CACNB2: variants seen among roughly 807,000 people sequenced by gnomAD.
CACNB2 encodes the protein calcium voltage-gated channel auxiliary subunit beta 2.
A neutral mutation model predicts 73.3 loss-of-function variants in CACNB2; 42 were observed. That is an observed-to-expected ratio of 0.57 (90% CI 0.45 to 0.74). The LOEUF is 0.74. CACNB2 is among the 30% of genes least tolerant of loss of function. The probability of loss-of-function intolerance (pLI) is 0.00; values close to 1 mark genes in which losing one functional copy is unlikely to be tolerated. For synonymous variants in CACNB2, 348 were observed against 310.3 expected (o/e 1.12, Z -1.28); for missense variants, 940 against 853.0 (o/e 1.10, Z -1.27).
chr10:18,320,153 G>A (rs979300912), intron 2 of CACNB2, among the ~76,000 whole-genome samples: 5 of 151,998 alleles, frequency 3.3e-5, no homozygotes, highest in South Asian at 4.2e-4. Context: ...TCACCAGTTC[G>A]AATTAATTTC....
chr10:18,382,613 C>G (rs1347337941), intron 2 of CACNB2, among the ~76,000 whole-genome samples: 1 of 152,108 alleles, frequency 6.6e-6, no homozygotes, highest in African/African-American at 2.4e-5. Flanking sequence ...TTGTTCGGCT[C>G]CCAATTATAA....
rs536618622 is a variant in CACNB2 at position 18,197,224 on chromosome 10, G to A, written c.213+46249G>A. 3.9e-5 allele frequency among the ~76,000 whole-genome samples: 6 copies of A among 152,262 alleles called. No homozygotes were observed. In the South Asian group the frequency reaches 1.2e-3, roughly 32 times the overall value. ...ACCTAGCATTTGGGCCTGGCCCACA[G>A]GGAACACTCAGTAAATGCTTCCTGA... On this transcript the variant is annotated intron_variant, in intron 2 of 13. Coordinates refer to ENST00000324631, the MANE Select transcript of CACNB2 (RefSeq NM_201596.3).
At chr10:18,288,109 C>A (rs193131401) in intron 2 of CACNB2, among the ~76,000 whole-genome samples, 2 of 152,268 alleles carry the variant, frequency 1.3e-5, no homozygotes, top group East Asian at 3.9e-4. Flanking sequence ...GATTAAGGCC[C>A]ACCCTAGTGA....
intron 2 of CACNB2, among the ~76,000 whole-genome samples, chr10:18,230,743 T>A (rs1016913412): frequency 1.3e-5 from 2 of 152,124 alleles, no homozygotes; most frequent in African/African-American, 2.4e-5. Context: ...TCTTACTAAA[T>A]GGGGAGACGT....
intron 9 of CACNB2, among the ~76,000 whole-genome samples, chr10:18,523,386 C>A (rs2052117943): frequency 6.6e-6 from 1 of 152,198 alleles, no homozygotes; most frequent in Non-Finnish European, 1.5e-5. Flanking sequence ...ACATTCCAGC[C>A]AGAGAGGGTG....
chr10:18,373,787 G>T (rs1475468649), intron 2 of CACNB2, among the ~76,000 whole-genome samples: 1 of 152,198 alleles, frequency 6.6e-6, no homozygotes. Flanking sequence ...TATGTGATTT[G>T]CTTTGGGGGA....
intron 2 of CACNB2, among the ~76,000 whole-genome samples, chr10:18,213,743 T>A (rs1292144907): frequency 6.6e-6 from 1 of 152,216 alleles, no homozygotes; most frequent in East Asian, 1.9e-4. Context: ...TATTTTAGGC[T>A]ACTTGCAAAG....
chr10:18,192,941 G>T (rs1364236434), intron 2 of CACNB2, among the ~76,000 whole-genome samples: 1 of 152,120 alleles, frequency 6.6e-6, no homozygotes, highest in East Asian at 1.9e-4. Context: ...GAATTGAGCT[G>T]CTATGAACAT....
chr10:18,481,199 T>C (rs2048708874), intron 3 of CACNB2, among the ~76,000 whole-genome samples: 2 of 6,310 alleles, frequency 3.2e-4, no homozygotes, highest in Admixed American at 1.7e-3. Flanking sequence ...TCGCTATATA[T>C]ATATATATAT....
intron 2 of CACNB2, among the ~76,000 whole-genome samples, chr10:18,364,967 T>C (rs2042291233): frequency 1.3e-5 from 2 of 152,158 alleles, no homozygotes. Flanking sequence ...TTTTTTCAAG[T>C]GCTGTTTTAT....
chr10:18,150,988 A>AGTTCAT lies in CACNB2; in HGVS notation c.213+15_213+20dup. ...TTTTGTTCGCCAGGTAAGAGTTTTAAGTTCATGGTTTTGATAAGTACCTTA... is the reference window on the plus strand; with the variant it reads ...TTTTGTTCGCCAGGTAAGAGTTTTAAGTTCATGTTCATGGTTTTGATAAGTACCTTA... On this transcript the variant is annotated intron_variant, in intron 2 of 13. Coordinates refer to ENST00000324631, the MANE Select transcript of CACNB2 (RefSeq NM_201596.3). 1 of 1,528,720 alleles carries AGTTCAT rather than the reference A, an allele frequency of 6.5e-7. No homozygotes were observed. The highest frequency in any genetic ancestry group is 9.1e-7 in the Non-Finnish European group (1 of 1,104,950). 94.7% of individuals were successfully genotyped at this position (1,528,720 alleles called of 1,614,324 possible). A position where few individuals can be genotyped will look rare whatever the true frequency, so the allele number is the denominator to read the frequency against.
intron 2 of CACNB2, among the ~76,000 whole-genome samples, chr10:18,218,260 A>G (rs577006945): frequency 6.6e-6 from 1 of 152,382 alleles, no homozygotes; most frequent in East Asian, 1.9e-4. Flanking sequence ...CTGGAGTGAC[A>G]GCATAATATT....
intron 2 of CACNB2, among the ~76,000 whole-genome samples, chr10:18,237,676 G>A (rs982958113): frequency 2.0e-5 from 3 of 152,188 alleles, no homozygotes; most frequent in Admixed American, 6.5e-5. Context: ...TGATCTTGAC[G>A]TTGGAATGGT....
At chr10:18,170,109 G>C (rs1286601095) in intron 2 of CACNB2, among the ~76,000 whole-genome samples, 1 of 152,192 alleles carries the variant, frequency 6.6e-6, no homozygotes, top group East Asian at 1.9e-4. Context: ...AATCACTGAG[G>C]CTGGGGATCT....
intron 2 of CACNB2, among the ~76,000 whole-genome samples, chr10:18,352,433 T>G (rs1275871454): frequency 6.6e-6 from 1 of 152,094 alleles, no homozygotes; most frequent in East Asian, 1.9e-4. Flanking sequence ...CATGGAAGAG[T>G]ACTGAAATAG....
chr10:18,217,443 C>G (rs530741468), intron 2 of CACNB2, among the ~76,000 whole-genome samples: 1 of 151,924 alleles, frequency 6.6e-6, no homozygotes, highest in Non-Finnish European at 1.5e-5. Flanking sequence ...AAGATCGTGC[C>G]GCTGTACTCC....
chr10:18,357,173 G>A (rs2041956495), intron 2 of CACNB2, among the ~76,000 whole-genome samples: 1 of 150,970 alleles, frequency 6.6e-6, no homozygotes, highest in Non-Finnish European at 1.5e-5. Context: ...TCGATCTCCT[G>A]ACCTCGTGAT....
At chr10:18,513,101 CT>C (rs71402179) in intron 6 of CACNB2, 109 of 114,406 alleles carry the variant, frequency 9.5e-4, no homozygotes, top group South Asian at 1.5e-3. Context: ...TGACCATAAC[CT>C]TTTTTTTTTT....
intron 12 of CACNB2, among the ~76,000 whole-genome samples, chr10:18,536,690 C>A (rs183855652): frequency 2.0e-4 from 31 of 152,236 alleles, no homozygotes; most frequent in Admixed American, 3.9e-4. Flanking sequence ...GTTTTGAGCA[C>A]AAGTAATCCA....
Sources: allele counts gnomAD v4.1 joint callset (sites outside exome capture counted in the v4.1 genomes callset), GRCh38; gene constraint gnomAD v4.1.1; transcripts MANE v1.5; gene names NCBI Gene and HGNC (gene_info 2026-07-23, HGNC 2026-07-21).